HERC4: variants seen among roughly 807,000 people sequenced by gnomAD.
HERC4 encodes probable E3 ubiquitin-protein ligase HERC4.
In HERC4, 28 loss-of-function variants were observed where a neutral mutation model predicts 124.3. That is an observed-to-expected ratio of 0.23 (90% CI 0.17 to 0.31). The LOEUF is 0.31. Ranked by LOEUF, HERC4 falls within the 10% of genes least tolerant of loss-of-function variation. The pLI, the probability that HERC4 is intolerant of heterozygous loss-of-function variation, is 1.00. For synonymous variants in HERC4, 407 were observed against 421.5 expected, an observed-to-expected ratio of 0.97 and a Z score of 0.42; for missense variants, 713 against 1,229.3, an observed-to-expected ratio of 0.58 and a Z score of 6.28.
At chr10:68,043,581 CCAA>C (rs1464963828) in intron 4 of HERC4, among the ~76,000 whole-genome samples, 1 of 152,050 alleles carries the variant, frequency 6.6e-6, no homozygotes, top group Non-Finnish European at 1.5e-5. Flanking sequence ...CTTTGGGAGG[CCAA>C]AGTGGGCAGA....
At chr10:67,936,261 G>A in intron 21 of HERC4, 26 bp from the exon 22 acceptor site, 1 of 1,366,758 alleles carries the variant, frequency 7.3e-7, no homozygotes, top group Non-Finnish European at 1.0e-6. Context: ...TTTAAAAAAA[G>A]TCAATGTCAG....
chr10:67,992,070 AT>A, intron 11 of HERC4, 128 bp downstream of exon 11: 6 of 787,784 alleles, frequency 7.6e-6, no homozygotes, highest in South Asian at 1.7e-5. Flanking sequence ...AGCTAATTGT[AT>A]TTTTTTGTAG....
chr10:67,976,029 GTT>G (rs74909384), intron 15 of HERC4, among the ~76,000 whole-genome samples: 2 of 141,444 alleles, frequency 1.4e-5, no homozygotes, highest in Admixed American at 7.1e-5. Context: ...GCTACCCACT[GTT>G]TTTTTTTTTT....
At chr10:68,021,927 A>C (rs142191960) in intron 8 of HERC4, among the ~76,000 whole-genome samples, 83 of 152,344 alleles carry the variant, frequency 5.4e-4, no homozygotes, top group Non-Finnish European at 9.7e-4. Context: ...AAAATTGTTA[A>C]AACTAATAAA....
At chr10:68,017,204 C>CA (rs1377360169) in intron 8 of HERC4, among the ~76,000 whole-genome samples, 1 of 152,190 alleles carries the variant, frequency 6.6e-6, no homozygotes, top group Non-Finnish European at 1.5e-5. Context: ...TACCCAGAGG[C>CA]AGCCCACTGC....
At chr10:67,945,255 A>T (rs1399915819) in intron 19 of HERC4, among the ~76,000 whole-genome samples, 1 of 152,210 alleles carries the variant, frequency 6.6e-6, no homozygotes, top group Non-Finnish European at 1.5e-5. Flanking sequence ...CTAGCAGTAG[A>T]CTTTTCAATG....
At position 67,966,666 on chromosome 10, in the gene HERC4, T is replaced by C. The variant is rs2034885596; in HGVS notation, c.1926+17A>G. 6.3e-7 allele frequency: 1 copy of C among 1,598,506 alleles called. No homozygotes were observed. Among genetic ancestry groups the C allele is most frequent in the Non-Finnish European group, 8.5e-7 (1 of 1,175,348 alleles). On this transcript the variant is annotated intron_variant, in intron 16 of 24. Coordinates refer to ENST00000373700, the MANE Select transcript of HERC4 (RefSeq NM_015601.4). ...ATATACATAAAAATGAAATCACAAA[T>C]TGCACAGAAAACCTACCATTCCATA...
chr10:67,936,874 A>G (rs532824714), intron 21 of HERC4, among the ~76,000 whole-genome samples: 13 of 152,204 alleles, frequency 8.5e-5, no homozygotes, highest in Non-Finnish European at 1.5e-4. Flanking sequence ...GTGGGATGTT[A>G]GATGAGTATA....
At chr10:67,960,313 C>T (rs1382553848) in intron 16 of HERC4, among the ~76,000 whole-genome samples, 12 of 152,196 alleles carry the variant, frequency 7.9e-5, no homozygotes. Context: ...TTCCCAGACT[C>T]TGCCCTGTGT....
chr10:68,010,156 C>G, intron 9 of HERC4: 1 of 928,974 alleles, frequency 1.1e-6, no homozygotes. Flanking sequence ...TTCTCTTTCC[C>G]TAGCTTCCGC....
At chr10:68,067,081 T>C (rs952001290) in intron 3 of HERC4, 1 of 152,618 alleles carries the variant, frequency 6.6e-6, no homozygotes, top group African/African-American at 2.4e-5. Flanking sequence ...GACAAGTTAC[T>C]TACCAACGTG....
At chr10:68,040,497 A>G in intron 4 of HERC4, 1 of 723,902 alleles carries the variant, frequency 1.4e-6, no homozygotes, top group Non-Finnish European at 1.7e-6. Context: ...AATTAAATAA[A>G]TTTGTTAGAA....
chr10:68,061,256 G>C (rs976261188), intron 3 of HERC4, among the ~76,000 whole-genome samples: 3 of 152,094 alleles, frequency 2.0e-5, no homozygotes, highest in Admixed American at 1.3e-4. Flanking sequence ...AAGTCCTGAA[G>C]TCAAACACAG....
intron 23 of HERC4, among the ~76,000 whole-genome samples, chr10:67,928,686 G>A (rs896234641): frequency 6.6e-6 from 1 of 152,140 alleles, no homozygotes; most frequent in Admixed American, 6.5e-5. Flanking sequence ...ACTTTGGGAG[G>A]CCGAGGCGAG....
At chr10:68,061,297 G>C (rs2040997137) in intron 3 of HERC4, among the ~76,000 whole-genome samples, 1 of 152,010 alleles carries the variant, frequency 6.6e-6, no homozygotes, top group African/African-American at 2.4e-5. Context: ...ACTTTGGGAG[G>C]CCAAGGCGGG....
At chr10:67,965,293 T>G (rs2034793265) in intron 16 of HERC4, 1 of 152,220 alleles carries the variant, frequency 6.6e-6, no homozygotes, top group African/African-American at 2.4e-5. Context: ...CTGGTATTTT[T>G]TGCTTTGTTT....
At chr10:67,948,651 T>C (rs1440929917) in intron 19 of HERC4, among the ~76,000 whole-genome samples, 1 of 152,228 alleles carries the variant, frequency 6.6e-6, no homozygotes, top group Non-Finnish European at 1.5e-5. Flanking sequence ...CCAGGCATGG[T>C]GGCTCACACC....
chr10:67,990,198 T>G lies in HERC4; in HGVS notation c.1633+13A>C. ...AGAAAAGGTTTCAAAAGAAAAAATA[T>G]TAGAATTCTTACCAAGTACTTTCAG... On this transcript the variant is annotated intron_variant, in intron 14 of 24. Coordinates refer to ENST00000373700, the MANE Select transcript of HERC4 (RefSeq NM_015601.4). 1 of 1,572,556 alleles carries G rather than the reference T, an allele frequency of 6.4e-7. No individual in the cohort carries two copies. The highest frequency in any genetic ancestry group is 8.6e-7 in the Non-Finnish European group (1 of 1,162,642).
At chr10:67,935,828 C>T (rs2132077020) in intron 22 of HERC4, among the ~76,000 whole-genome samples, 1 of 152,314 alleles carries the variant, frequency 6.6e-6, no homozygotes, top group East Asian at 1.9e-4. Flanking sequence ...ATTCTCAGCA[C>T]CCAAACTTTT....
Sources: gnomAD v4.1 joint callset for allele counts (sites outside exome capture counted in the v4.1 genomes callset) on GRCh38, gnomAD v4.1.1 for gene constraint, MANE v1.5 for transcripts, NCBI Gene and HGNC (gene_info 2026-07-23, HGNC 2026-07-21) for gene names.